Variants in RGS5 observed in about 807,000 individuals in gnomAD.
RGS5 encodes regulator of G protein signaling 5.
Under a neutral mutation model 18.9 loss-of-function variants are expected in RGS5, and 20 were observed. The observed-to-expected ratio is 1.06, with a 90% CI of 0.74 to 1.54. RGS5 has a LOEUF of 1.54. Ranked by LOEUF, RGS5 falls within the 40% of genes most tolerant of loss-of-function variation. The probability of loss-of-function intolerance (pLI) is 0.00; values close to 1 mark genes in which losing one functional copy is unlikely to be tolerated. For synonymous variants in RGS5, 57 were observed against 76.2 expected, an observed-to-expected ratio of 0.75 and a Z score of 1.31; for missense variants, 201 against 211.8, an observed-to-expected ratio of 0.95 and a Z score of 0.32.
intron 1 of RGS5, among the ~76,000 whole-genome samples, chr1:163,180,686 G>GTTTTTTTTTTGTTTTTTTTTTTTTTTT (rs1658783559): frequency 1.6e-5 from 1 of 61,964 alleles, no homozygotes; most frequent in African/African-American, 7.1e-5. Context: ...CCCTTACCCT[G>GTTTTTTTTTTGTTTTTTTTTTTTTTTT]TTTTTTTTTT....
intron 2 of RGS5, among the ~76,000 whole-genome samples, chr1:163,283,703 G>A (rs901031655): frequency 2.0e-5 from 3 of 152,136 alleles, no homozygotes; most frequent in Non-Finnish European, 2.9e-5. Context: ...AATTCATCTA[G>A]AGGCTTGATG....
exon 1 of RGS5, chr1:163,217,595 T>C: frequency 6.5e-7 from 1 of 1,546,192 alleles, no homozygotes; most frequent in Non-Finnish European, 8.7e-7. Flanking sequence ...TTGCGCACAT[T>C]TTTCACTGAG....
intron 2 of RGS5, among the ~76,000 whole-genome samples, chr1:163,225,757 T>C (rs1417526657): frequency 6.6e-6 from 1 of 152,206 alleles, no homozygotes; most frequent in Non-Finnish European, 1.5e-5. Context: ...CTGCATTTCA[T>C]AAATTACCAG....
At chr1:163,175,650 A>G (rs1658518466) in intron 1 of RGS5, among the ~76,000 whole-genome samples, 1 of 152,162 alleles carries the variant, frequency 6.6e-6, no homozygotes, top group African/African-American at 2.4e-5. Flanking sequence ...CTATTTCTGA[A>G]TTTACCTACT....
chr1:163,190,473 C>G (rs542757934), intron 1 of RGS5, among the ~76,000 whole-genome samples: 1 of 152,256 alleles, frequency 6.6e-6, no homozygotes, highest in South Asian at 2.1e-4. Context: ...TGAACAGGAT[C>G]TTACACAAGA....
upstream of RGS5, among the ~76,000 whole-genome samples, chr1:163,219,336 T>C (rs913229999): frequency 6.6e-6 from 1 of 152,184 alleles, no homozygotes; most frequent in African/African-American, 2.4e-5. Context: ...TTCATATAAA[T>C]GGTATCATAT....
intron 1 of RGS5, among the ~76,000 whole-genome samples, chr1:163,314,677 C>T (rs1189521070): frequency 6.6e-6 from 1 of 152,134 alleles, no homozygotes; most frequent in Non-Finnish European, 1.5e-5. Flanking sequence ...CCCCAAAATT[C>T]ATATTTTGAA....
At chr1:163,267,648 A>G (rs555300263) in intron 2 of RGS5, among the ~76,000 whole-genome samples, 37 of 152,284 alleles carry the variant, frequency 2.4e-4, no homozygotes, top group Non-Finnish European at 4.0e-4. Context: ...AGTCTGCTCC[A>G]AAGTTGCAAT....
chr1:163,153,382 A>G (rs529729676), intron 3 of RGS5, among the ~76,000 whole-genome samples: 4 of 152,322 alleles, frequency 2.6e-5, no homozygotes, highest in South Asian at 2.1e-4. Flanking sequence ...ACAGAGTCAT[A>G]GGAGAGTCCT....
At chr1:163,173,238 C>G (rs55941230) in intron 1 of RGS5, among the ~76,000 whole-genome samples, 1 of 152,118 alleles carries the variant, frequency 6.6e-6, no homozygotes, top group African/African-American at 2.4e-5. Flanking sequence ...TCTTCCTCCT[C>G]TTGTTATTCT....
chr1:163,263,315 G>A (rs1453359340), intron 2 of RGS5, among the ~76,000 whole-genome samples: 16 of 152,322 alleles, frequency 1.1e-4, no homozygotes, highest in South Asian at 1.0e-3. Context: ...TATTCAAGGA[G>A]TGTTGCTTCT....
At chr1:163,218,116 T>C (rs1046144275), upstream of RGS5, among the ~76,000 whole-genome samples, 7 of 152,172 alleles carry the variant, frequency 4.6e-5, no homozygotes, top group Admixed American at 3.3e-4. Flanking sequence ...TTTGGAGCTA[T>C]GCAGGTTTGA....
upstream of RGS5, among the ~76,000 whole-genome samples, chr1:163,203,892 T>C (rs1304076133): frequency 2.3e-5 from 1 of 44,260 alleles, no homozygotes; most frequent in East Asian, 7.9e-4. Context: ...AAGGTGCTGA[T>C]AAGTTAATCT....
chr1:163,213,831 T>G (rs980904244), intron 1 of RGS5, among the ~76,000 whole-genome samples: 1 of 152,082 alleles, frequency 6.6e-6, no homozygotes, highest in Non-Finnish European at 1.5e-5. Context: ...TTAAAAACAC[T>G]CATTTCTAAT....
chr1:163,240,053 T>G (rs200075437), intron 2 of RGS5, among the ~76,000 whole-genome samples: 22,149 of 139,030 alleles, frequency 0.16, 1,933 homozygotes, highest in Non-Finnish European at 0.21. Flanking sequence ...TTAGCAGGGT[T>G]TTTTTTTTTC....
rs1039866916 is a variant in RGS5 at position 163,166,089 on chromosome 1, T to C, written c.155+2169A>G. Among the ~76,000 whole-genome samples the C allele has an allele frequency of 3.7e-5, 5 of 134,082 alleles. No individual in the cohort carries two copies. In the Admixed American group the frequency reaches 4.0e-4, roughly 11 times the overall value. 88.0% of individuals were successfully genotyped at this position (134,082 alleles called of 152,430 possible). Reference sequence around the variant, plus strand: ...GACTTCTGTTTCTACAGTTAGTCAGTAAAAGTAAGAGAAAGGCATAGAAGC... The same window carrying C: ...GACTTCTGTTTCTACAGTTAGTCAGCAAAAGTAAGAGAAAGGCATAGAAGC... On this transcript the variant is annotated intron_variant, in intron 2 of 4. Transcript: ENST00000313961.
intron 1 of RGS5, among the ~76,000 whole-genome samples, chr1:163,196,105 C>T (rs1471660377): frequency 1.3e-5 from 2 of 152,112 alleles, no homozygotes; most frequent in Non-Finnish European, 2.9e-5. Flanking sequence ...GTAACTTCCT[C>T]GATCGTTAGA....
chr1:163,321,088 AAAAC>A (rs566541176), intron 1 of RGS5, among the ~76,000 whole-genome samples: 145 of 152,344 alleles, frequency 9.5e-4, no homozygotes, highest in Non-Finnish European at 1.6e-3. Flanking sequence ...CACTCTTGCC[AAAAC>A]AAACAAACAA....
chr1:163,147,393 ATCCT>A lies in RGS5; in HGVS notation c.491_494del (p.Lys164IlefsTer15). 1 of 1,612,782 alleles carries A rather than the reference ATCCT, an allele frequency of 6.2e-7. No homozygotes were observed. The highest frequency in any genetic ancestry group is 8.5e-7 in the Non-Finnish European group (1 of 1,179,406). Reference sequence around the variant, plus strand: ...CAGAGCGCACAAAGCGAGGCAGAGAATCCTTTTCCATCAGGGCATGGATTCTTTT... The same window carrying A: ...CAGAGCGCACAAAGCGAGGCAGAGAATTTCCATCAGGGCATGGATTCTTTT... On this transcript the variant is annotated frameshift_variant, in exon 5 of 5. Transcript: ENST00000313961. LOFTEE classifies it high-confidence loss of function.
Sources: gnomAD v4.1 joint callset for allele counts (sites outside exome capture counted in the v4.1 genomes callset) on GRCh38, gnomAD v4.1.1 for gene constraint, MANE v1.5 for transcripts, NCBI Gene and HGNC (gene_info 2026-07-23, HGNC 2026-07-21) for gene names.